STAB2: variants seen among roughly 807,000 people sequenced by gnomAD.
STAB2 encodes the protein stabilin 2.
STAB2 carries 288 observed loss-of-function variants against 338.1 expected under a neutral mutation model. That is an observed-to-expected ratio of 0.85 (90% CI 0.77 to 0.94). The LOEUF (loss-of-function observed/expected upper bound fraction) is 0.94, where lower values mean the gene tolerates loss of function less well. STAB2 is among the 40% of genes least tolerant of loss of function. The probability of loss-of-function intolerance (pLI) is 0.00; values close to 1 mark genes in which losing one functional copy is unlikely to be tolerated. For missense variants in STAB2, 3,141 were observed against 3,210.1 expected (o/e 0.98, Z 0.52); for synonymous variants, 1,202 against 1,193.3 (o/e 1.01, Z -0.15).
intron 50 of STAB2, among the ~76,000 whole-genome samples, 166 bp from the exon 51 acceptor site, chr12:103,732,840 G>A (rs184838976): frequency 6.6e-6 from 1 of 152,230 alleles, no homozygotes; most frequent in Non-Finnish European, 1.5e-5. Context: ...CAGAATGGTT[G>A]GGGTGTGATG....
At chr12:103,717,913 G>T (rs7307204) in intron 44 of STAB2, 72 bp downstream of exon 44, 49,307 of 1,490,134 alleles carry the variant, frequency 0.033, 2,459 homozygotes, top group African/African-American at 0.23. Flanking sequence ...ACTTCTCGGG[G>T]ATGCAGAGTT....
In STAB2 at chr12:103,746,080, T is replaced by C. The variant is rs145197634; in HGVS notation, c.6137-517T>C. 2.4e-3 allele frequency among the ~76,000 whole-genome samples: 358 copies of C among 152,268 alleles called. 3 individuals are homozygous for C. The highest frequency in any genetic ancestry group is 8.0e-3 in the African/African-American group (333 of 41,542). ...ATGGGTTGCAGCAGTATGGCTAACT[T>C]GAGTTCCTCCTCCCTGTTCCTTCTG... On this transcript the variant is annotated intron_variant, in intron 57 of 68. Transcript: ENST00000388887.
chr12:103,589,277 T>C (rs764582378), intron 1 of STAB2, among the ~76,000 whole-genome samples: 124 of 152,160 alleles, frequency 8.1e-4, no homozygotes, highest in Non-Finnish European at 1.4e-3. Flanking sequence ...GGATGAGCTG[T>C]GGGATAATAC....
At chr12:103,718,801 GCCC>G (rs1880530959) in intron 44 of STAB2, among the ~76,000 whole-genome samples, 1 of 152,152 alleles carries the variant, frequency 6.6e-6, no homozygotes, top group Non-Finnish European at 1.5e-5. Context: ...ATTCCTCCCA[GCCC>G]TGATCCACAT....
Position 103,668,473 on chromosome 12 carries a change from A to T in STAB2, c.2086-170A>T, listed in dbSNP as rs191313830. On this transcript the variant is annotated intron_variant, in intron 19 of 68. Coordinates refer to ENST00000388887, the MANE Select transcript of STAB2 (RefSeq NM_017564.10). Reference sequence around the variant, plus strand: ...ACCAACAAGGGAACAGGCCTAAAAAAGGGTGTCCAAGCTCTGATGTAGACC... The same window carrying T: ...ACCAACAAGGGAACAGGCCTAAAAATGGGTGTCCAAGCTCTGATGTAGACC... 80 of 604,920 alleles carry T rather than the reference A, an allele frequency of 1.3e-4. No homozygotes were observed. The East Asian group carries it at 2.3e-3, about 17-fold the overall frequency. 37.5% of individuals were successfully genotyped at this position (604,920 alleles called of 1,614,324 possible). A position where few individuals can be genotyped will look rare whatever the true frequency, so the allele number is the denominator to read the frequency against.
At chr12:103,721,376 G>C (rs1300284714) in intron 44 of STAB2, among the ~76,000 whole-genome samples, 2 of 152,196 alleles carry the variant, frequency 1.3e-5, no homozygotes, top group African/African-American at 4.8e-5. Context: ...CATGTTCTGG[G>C]AACTGAAGAG....
intron 40 of STAB2, among the ~76,000 whole-genome samples, chr12:103,711,892 T>C (rs1042081476): frequency 2.0e-5 from 3 of 152,182 alleles, no homozygotes; most frequent in Non-Finnish European, 4.4e-5. Flanking sequence ...CTTAATGAAT[T>C]AAGTACCTAG....
At chr12:103,694,726 AAATAC>A (rs1327829849) in intron 31 of STAB2, among the ~76,000 whole-genome samples, 1 of 152,142 alleles carries the variant, frequency 6.6e-6, no homozygotes, top group Non-Finnish European at 1.5e-5. Context: ...AATGTTGGAA[AAATAC>A]TGATTAGATT....
intron 6 of STAB2, 86 bp from the exon 7 acceptor site, chr12:103,637,022 CTTT>C: frequency 7.2e-7 from 1 of 1,382,796 alleles, no homozygotes; most frequent in Non-Finnish European, 9.6e-7. Context: ...GTTTGTATTG[CTTT>C]TTAATAAAAG....
At chr12:103,751,225 G>A (rs972301661) in intron 60 of STAB2, among the ~76,000 whole-genome samples, 7 of 152,136 alleles carry the variant, frequency 4.6e-5, no homozygotes, top group Non-Finnish European at 7.3e-5. Flanking sequence ...AGACTTCCTG[G>A]AGGCTTGAAT....
At chr12:103,716,680 G>T (rs138652048) in intron 43 of STAB2, among the ~76,000 whole-genome samples, 92 of 152,356 alleles carry the variant, frequency 6.0e-4, no homozygotes, top group African/African-American at 2.1e-3. Context: ...GCACATGTGT[G>T]TGGACACATT....
chr12:103,713,528 C>T, intron 41 of STAB2, 115 bp from the exon 42 acceptor site: 1 of 1,471,956 alleles, frequency 6.8e-7, no homozygotes, highest in South Asian at 1.3e-5. Flanking sequence ...ATATTTAATC[C>T]AGTGCCTGCT....
intron 44 of STAB2, among the ~76,000 whole-genome samples, chr12:103,723,859 A>C (rs577114437): frequency 4.6e-4 from 69 of 150,368 alleles, no homozygotes; most frequent in Non-Finnish European, 8.5e-4. Context: ...CCTGTGGACC[A>C]AAGGAGGTTG....
At chr12:103,641,866 G>T (rs1271271058) in intron 9 of STAB2, among the ~76,000 whole-genome samples, 2 of 152,148 alleles carry the variant, frequency 1.3e-5, no homozygotes, top group South Asian at 2.1e-4. Context: ...AAGTAAAAAA[G>T]CTAGCTAAGT....
intron 18 of STAB2, among the ~76,000 whole-genome samples, chr12:103,663,837 A>G (rs1874833599): frequency 6.6e-6 from 1 of 152,186 alleles, no homozygotes; most frequent in African/African-American, 2.4e-5. Flanking sequence ...GAGCTCTGGG[A>G]TCCAATCAGG....
intron 66 of STAB2, among the ~76,000 whole-genome samples, 180 bp from the exon 67 acceptor site, chr12:103,762,094 A>G (rs1407219790): frequency 1.3e-5 from 2 of 152,088 alleles, no homozygotes; most frequent in Non-Finnish European, 1.5e-5. Context: ...TTATTATCAC[A>G]CTTCAATGGG....
intron 15 of STAB2, among the ~76,000 whole-genome samples, chr12:103,656,843 A>T (rs703630): frequency 6.8e-6 from 1 of 147,466 alleles, no homozygotes; most frequent in African/African-American, 2.5e-5. Flanking sequence ...CCCGCCACCG[A>T]GCCCGGCTAA....
intron 7 of STAB2, 140 bp downstream of exon 7, chr12:103,637,376 G>A: frequency 8.8e-7 from 1 of 1,135,954 alleles, no homozygotes; most frequent in Non-Finnish European, 1.2e-6. Context: ...TATATAAAAG[G>A]TGCCAAGCAA....
Position 103,638,191 on chromosome 12 carries a change from C to T in STAB2, c.885C>T (p.Cys295=). The T allele has an allele frequency of 1.2e-6, 2 of 1,614,118 alleles. No homozygotes were observed. The highest frequency in any genetic ancestry group is 1.7e-6 in the Non-Finnish European group (2 of 1,179,992). ...FGNCPTKSTV[C]KYDGPGQSHC... ...ACTGCCCTACAAAGTCTACAGTGTG[C>T]AAATATGATGGGCCTGGACAGGTGA... Residue 295 remains cysteine (C), a synonymous_variant, in exon 8 of 69, where the codon TGC becomes TGT. Coordinates refer to ENST00000388887, the MANE Select transcript of STAB2 (RefSeq NM_017564.10).
Sources: allele counts gnomAD v4.1 joint callset (sites outside exome capture counted in the v4.1 genomes callset), GRCh38; gene constraint gnomAD v4.1.1; transcripts MANE v1.5; gene names NCBI Gene and HGNC (gene_info 2026-07-23, HGNC 2026-07-21).